The following CACNA1D variants were observed in gnomAD, a reference collection of about 807,000 sequenced individuals.
The protein encoded by CACNA1D is voltage-dependent L-type calcium channel subunit alpha-1D.
CACNA1D carries 55 observed loss-of-function variants against 257.1 expected under a neutral mutation model. The observed-to-expected ratio is 0.21, with a 90% CI of 0.17 to 0.27. CACNA1D has a LOEUF of 0.27. CACNA1D is among the 10% of genes least tolerant of loss of function. CACNA1D has a pLI of 1.00. For missense variants in CACNA1D, 1,876 were observed against 2,784.0 expected, an observed-to-expected ratio of 0.67 and a Z score of 7.34; for synonymous variants, 980 against 1,014.9, an observed-to-expected ratio of 0.97 and a Z score of 0.65.
At chr3:53,523,360 T>A (rs1221012205) in intron 3 of CACNA1D, among the ~76,000 whole-genome samples, 2 of 152,342 alleles carry the variant, frequency 1.3e-5, no homozygotes, top group Non-Finnish European at 1.5e-5. Flanking sequence ...CTGCTCTATG[T>A]AAAAGGATGT....
chr3:53,758,024 G>A (rs2095276553), intron 29 of CACNA1D, among the ~76,000 whole-genome samples: 2 of 152,188 alleles, frequency 1.3e-5, no homozygotes, highest in African/African-American at 4.8e-5. Context: ...ATGCCTGGTG[G>A]TAGCTTCCTG....
At chr3:53,608,767 TA>T (rs1437494294) in intron 3 of CACNA1D, among the ~76,000 whole-genome samples, 1 of 152,222 alleles carries the variant, frequency 6.6e-6, no homozygotes, top group African/African-American at 2.4e-5. Flanking sequence ...ACTAATATAG[TA>T]AATAGCATTA....
At chr3:53,642,836 G>A (rs988199550) in intron 3 of CACNA1D, among the ~76,000 whole-genome samples, 5 of 152,272 alleles carry the variant, frequency 3.3e-5, no homozygotes, top group African/African-American at 1.2e-4. Context: ...CCTCTTCAGA[G>A]AGTCTGCATC....
intron 8 of CACNA1D, among the ~76,000 whole-genome samples, chr3:53,684,567 G>A (rs188533769): frequency 2.7e-4 from 39 of 144,622 alleles, no homozygotes; most frequent in African/African-American, 9.5e-4. Flanking sequence ...AGGTCGTGGT[G>A]AGCTGAGGTC....
At chr3:53,725,493 G>C (rs891172250) in intron 14 of CACNA1D, among the ~76,000 whole-genome samples, 13 of 152,138 alleles carry the variant, frequency 8.5e-5, no homozygotes, top group Non-Finnish European at 1.8e-4. Context: ...TGCTGCTTTA[G>C]AGGGTGTGTC....
intron 3 of CACNA1D, among the ~76,000 whole-genome samples, chr3:53,544,693 C>G (rs1237598839): frequency 6.6e-6 from 1 of 152,168 alleles, no homozygotes; most frequent in Non-Finnish European, 1.5e-5. Context: ...AATCAATATG[C>G]TTCTCACAAG....
chr3:53,704,664 C>T (rs1219588640), intron 9 of CACNA1D, among the ~76,000 whole-genome samples: 2 of 152,198 alleles, frequency 1.3e-5, no homozygotes, highest in Non-Finnish European at 2.9e-5. Context: ...ATGCCTGCAC[C>T]GCTCTTTTCC....
At chr3:53,507,516 G>A (rs977612654) in intron 3 of CACNA1D, among the ~76,000 whole-genome samples, 1 of 152,144 alleles carries the variant, frequency 6.6e-6, no homozygotes, top group Non-Finnish European at 1.5e-5. Flanking sequence ...TACTCAGGAG[G>A]CTGAGGTGGG....
At chr3:53,647,026 G>A (rs1350608233) in intron 3 of CACNA1D, among the ~76,000 whole-genome samples, 1 of 151,884 alleles carries the variant, frequency 6.6e-6, no homozygotes, top group African/African-American at 2.4e-5. Flanking sequence ...AGCCTCTCCT[G>A]TTGGTGAAAT....
intron 30 of CACNA1D, 130 bp downstream of exon 30, chr3:53,762,211 T>C: frequency 1.4e-6 from 1 of 732,942 alleles, no homozygotes; most frequent in East Asian, 2.6e-5. Flanking sequence ...GAAACTAGGA[T>C]TTCCTAATGA....
chr3:53,677,627 A>G (rs1362591198), intron 8 of CACNA1D, among the ~76,000 whole-genome samples: 1 of 152,170 alleles, frequency 6.6e-6, no homozygotes, highest in East Asian at 1.9e-4. Flanking sequence ...CACACACATC[A>G]ACGTTGTACT....
intron 3 of CACNA1D, among the ~76,000 whole-genome samples, chr3:53,548,370 T>A (rs868661538): frequency 1.5e-5 from 2 of 134,106 alleles, no homozygotes; most frequent in East Asian, 2.2e-4. Context: ...TTTTTTTTTT[T>A]TAAAAATTAT....
intron 3 of CACNA1D, among the ~76,000 whole-genome samples, chr3:53,568,937 TG>T (rs1203661527): frequency 6.6e-6 from 1 of 152,238 alleles, no homozygotes; most frequent in East Asian, 1.9e-4. Context: ...GTCTTCCTGC[TG>T]TTAAATCCAG....
chr3:53,504,756 C>CA (rs1468745832), intron 3 of CACNA1D, among the ~76,000 whole-genome samples: 1 of 151,988 alleles, frequency 6.6e-6, no homozygotes, highest in Admixed American at 6.6e-5. Flanking sequence ...GGGATGATTA[C>CA]AATATCATAC....
chr3:53,648,825 T>A (rs2094052203), intron 3 of CACNA1D, among the ~76,000 whole-genome samples: 1 of 123,922 alleles, frequency 8.1e-6, no homozygotes, highest in African/African-American at 4.0e-5. Context: ...TGGCTAACTC[T>A]CAAAACACAC....
Position 53,505,190 on chromosome 3 carries a change from G to A in CACNA1D, c.483+3470G>A, listed in dbSNP as rs1427882316. 2.9e-5 allele frequency among the ~76,000 whole-genome samples: 4 copies of A among 136,076 alleles called. No homozygotes were observed. The Admixed American group carries it at 3.3e-4, about 11-fold the overall frequency. 89.3% of individuals were successfully genotyped at this position (136,076 alleles called of 152,430 possible). On this transcript the variant is annotated intron_variant, in intron 3 of 47. Transcript: ENST00000350061. The stretch of plus-strand genomic sequence containing the variant: ...GTGGTGCAATTTCGGCTCACTGCAA[G>A]CTCCGCCTCTGGGGTTCATACCTCT...
chr3:53,636,951 T>A (rs556424115), intron 3 of CACNA1D, among the ~76,000 whole-genome samples: 2 of 152,360 alleles, frequency 1.3e-5, no homozygotes, highest in South Asian at 4.1e-4. Flanking sequence ...TTACATTAAC[T>A]ATCAAAAATC....
chr3:53,768,035 T>C (rs180795254), intron 30 of CACNA1D, among the ~76,000 whole-genome samples: 6 of 152,220 alleles, frequency 3.9e-5, no homozygotes, highest in Non-Finnish European at 8.8e-5. Flanking sequence ...TGGTTTGAAG[T>C]TCATAGTCCA....
intron 3 of CACNA1D, among the ~76,000 whole-genome samples, chr3:53,556,438 C>T (rs9814480): frequency 0.14 from 20,981 of 152,164 alleles, 4,048 homozygotes; most frequent in African/African-American, 0.42. Context: ...ATTTTAGCTT[C>T]TGTAATAGGT....
Sources: allele counts gnomAD v4.1 joint callset (sites outside exome capture counted in the v4.1 genomes callset), GRCh38; gene constraint gnomAD v4.1.1; transcripts MANE v1.5; gene names NCBI Gene and HGNC (gene_info 2026-07-23, HGNC 2026-07-21).